HDAC9: variants seen among roughly 807,000 people sequenced by gnomAD.
HDAC9 encodes the protein histone deacetylase 9.
Under a neutral mutation model 139.4 loss-of-function variants are expected in HDAC9, and 41 were observed. The ratio of observed to expected loss-of-function variants is 0.29; its 90% confidence interval spans 0.23 to 0.38. The LOEUF is 0.38. Ranked by LOEUF, HDAC9 falls within the 10% of genes least tolerant of loss-of-function variation. HDAC9 has a pLI of 1.00. For synonymous variants in HDAC9, 517 were observed against 476.2 expected, an observed-to-expected ratio of 1.09 and a Z score of -1.12; for missense variants, 1,147 against 1,297.0, an observed-to-expected ratio of 0.88 and a Z score of 1.78.
intron 2 of HDAC9, among the ~76,000 whole-genome samples, chr7:18,580,068 T>TG (rs1183423967): frequency 2.6e-5 from 4 of 152,186 alleles, no homozygotes; most frequent in Non-Finnish European, 5.9e-5. Context: ...AAGTAAGAAA[T>TG]ACTCTGTGGT....
At chr7:18,546,494 A>T (rs898221362) in intron 2 of HDAC9, among the ~76,000 whole-genome samples, 2 of 152,156 alleles carry the variant, frequency 1.3e-5, no homozygotes, top group Non-Finnish European at 2.9e-5. Flanking sequence ...TACTCAATAA[A>T]TTATAGCTTC....
chr7:18,289,929 G>A (rs1797701213), upstream of HDAC9, among the ~76,000 whole-genome samples: 1 of 152,008 alleles, frequency 6.6e-6, no homozygotes, highest in Non-Finnish European at 1.5e-5. Context: ...AAGCTTCAGA[G>A]AAAGAAAGTC....
chr7:18,920,888 C>T (rs181198277), intron 22 of HDAC9, among the ~76,000 whole-genome samples: 15 of 152,090 alleles, frequency 9.9e-5, no homozygotes, highest in East Asian at 9.7e-4. Flanking sequence ...TTGCTGGATT[C>T]GGTTTGCCAG....
chr7:18,906,245 A>C (rs1802250606), intron 22 of HDAC9, among the ~76,000 whole-genome samples: 1 of 151,932 alleles, frequency 6.6e-6, no homozygotes, highest in Non-Finnish European at 1.5e-5. Context: ...CCCAGGCTCA[A>C]GTGATTCTCC....
intron 1 of HDAC9, among the ~76,000 whole-genome samples, chr7:18,297,970 C>G (rs1798260690): frequency 6.6e-6 from 1 of 152,204 alleles, no homozygotes; most frequent in East Asian, 1.9e-4. Context: ...CTCTCACAGG[C>G]CATTTAAATG....
chr7:18,139,363 G>A (rs571101292), intron 1 of HDAC9, among the ~76,000 whole-genome samples: 48 of 152,240 alleles, frequency 3.2e-4, no homozygotes, highest in Admixed American at 2.7e-3. Flanking sequence ...CTGAGCTCAA[G>A]CAGTCCTCCT....
At chr7:18,702,694 G>A (rs551777226) in intron 12 of HDAC9, among the ~76,000 whole-genome samples, 84 of 152,286 alleles carry the variant, frequency 5.5e-4, no homozygotes, top group Non-Finnish European at 8.1e-4. Flanking sequence ...TCGGAAATCT[G>A]CATAGTAACA....
intron 2 of HDAC9, among the ~76,000 whole-genome samples, chr7:18,173,159 G>T (rs1788585147): frequency 1.3e-5 from 2 of 152,142 alleles, no homozygotes; most frequent in Admixed American, 1.3e-4. Flanking sequence ...TTTATATTTA[G>T]TATGGTTAGC....
At chr7:18,853,751 C>T (rs1326108065) in intron 21 of HDAC9, among the ~76,000 whole-genome samples, 3 of 152,062 alleles carry the variant, frequency 2.0e-5, no homozygotes, top group Admixed American at 6.6e-5. Flanking sequence ...ATTTCATTAG[C>T]GTGCATTTAC....
intron 12 of HDAC9, among the ~76,000 whole-genome samples, chr7:18,709,117 G>A (rs1784156883): frequency 6.6e-6 from 1 of 151,132 alleles, no homozygotes; most frequent in African/African-American, 2.4e-5. Context: ...GAATGTGCAG[G>A]TTTGTTACAT....
chr7:18,648,401 T>A, intron 10 of HDAC9, 65 bp from the exon 11 acceptor site: 1 of 1,226,718 alleles, frequency 8.2e-7, no homozygotes. Context: ...TAAAATTGTG[T>A]GTGTGTGTAT....
intron 6 of HDAC9, among the ~76,000 whole-genome samples, chr7:18,600,590 G>A (rs1562524631): frequency 6.6e-6 from 1 of 152,094 alleles, no homozygotes; most frequent in African/African-American, 2.4e-5. Flanking sequence ...AGATATATTT[G>A]TGTGGGTTTA....
At chr7:18,375,213 G>T (rs138120367) in intron 1 of HDAC9, among the ~76,000 whole-genome samples, 6,753 of 152,228 alleles carry the variant, frequency 0.044, 512 homozygotes, top group African/African-American at 0.15. Flanking sequence ...CTCACGCCTG[G>T]AATCCCAGCA....
intron 22 of HDAC9, among the ~76,000 whole-genome samples, chr7:18,907,215 A>G (rs991331773): frequency 6.6e-6 from 1 of 152,182 alleles, no homozygotes; most frequent in Non-Finnish European, 1.5e-5. Flanking sequence ...ATTCTGTTTG[A>G]ATGGAAAACA....
chr7:18,293,708 T>G (rs1275172485), intron 1 of HDAC9, among the ~76,000 whole-genome samples: 1 of 152,114 alleles, frequency 6.6e-6, no homozygotes, highest in Non-Finnish European at 1.5e-5. Flanking sequence ...AGAGACAGAT[T>G]CAGAGTGCCA....
At chr7:18,732,496 T>C (rs562149597) in intron 13 of HDAC9, among the ~76,000 whole-genome samples, 1 of 151,374 alleles carries the variant, frequency 6.6e-6, no homozygotes, top group South Asian at 2.1e-4. Context: ...TATGTGTATA[T>C]ATGTGTATAT....
chr7:18,309,983 A>G (rs1799193045), intron 1 of HDAC9, among the ~76,000 whole-genome samples: 2 of 152,218 alleles, frequency 1.3e-5, no homozygotes, highest in Non-Finnish European at 2.9e-5. Context: ...TTCCTGGACC[A>G]TTAGAAATGC....
intron 16 of HDAC9, among the ~76,000 whole-genome samples, chr7:18,774,934 TGA>T (rs1158700384): frequency 6.6e-6 from 1 of 152,002 alleles, no homozygotes; most frequent in Non-Finnish European, 1.5e-5. Context: ...AGCTTTTGAT[TGA>T]GAGTGTTGAG....
At chr7:18,700,667 T>A (rs1783404924) in intron 12 of HDAC9, among the ~76,000 whole-genome samples, 1 of 152,238 alleles carries the variant, frequency 6.6e-6, no homozygotes, top group African/African-American at 2.4e-5. Flanking sequence ...TCTTCTGTTC[T>A]GAGTCTACTC....
Sources: allele counts gnomAD v4.1 joint callset (sites outside exome capture counted in the v4.1 genomes callset), GRCh38; gene constraint gnomAD v4.1.1; transcripts MANE v1.5; gene names NCBI Gene and HGNC (gene_info 2026-07-23, HGNC 2026-07-21).